The following ANKS1B variants were observed in gnomAD, a reference collection of about 807,000 sequenced individuals.
ANKS1B encodes ankyrin repeat and sterile alpha motif domain-containing protein 1B.
In ANKS1B, 36 loss-of-function variants were observed where a neutral mutation model predicts 148.3. The ratio of observed to expected loss-of-function variants is 0.24; its 90% confidence interval spans 0.19 to 0.32. The LOEUF is 0.32. Ranked by LOEUF, ANKS1B falls within the 10% of genes least tolerant of loss-of-function variation. The pLI is 1.00. For synonymous variants in ANKS1B, 542 were observed against 560.8 expected (o/e 0.97, Z 0.47); for missense variants, 1,157 against 1,542.6 (o/e 0.75, Z 4.19).
chr12:98,908,881 G>C (rs1327292072), intron 17 of ANKS1B, among the ~76,000 whole-genome samples: 2 of 152,088 alleles, frequency 1.3e-5, no homozygotes, highest in Admixed American at 1.3e-4. Context: ...TGTTTGGTTG[G>C]GTTTATGCTA....
Position 99,709,593 on chromosome 12 carries a change from T to C in ANKS1B, c.1129-54383A>G, listed in dbSNP as rs551479661. 2.6e-5 allele frequency among the ~76,000 whole-genome samples: 4 copies of C among 152,268 alleles called. No homozygotes were observed. The South Asian group carries it at 8.3e-4, about 32-fold the overall frequency. Reference sequence around the variant, plus strand: ...CAAGTTTGCCAGCTAGCAAGTGGTATAGCTAGACCCACATTTTTTGAAATC... The same window carrying C: ...CAAGTTTGCCAGCTAGCAAGTGGTACAGCTAGACCCACATTTTTTGAAATC... On this transcript the variant is annotated intron_variant, in intron 8 of 26. Coordinates refer to ENST00000683438, the MANE Select transcript of ANKS1B (RefSeq NM_001352186.2).
chr12:99,220,248 T>G (rs2084882203), intron 14 of ANKS1B, among the ~76,000 whole-genome samples: 3 of 152,098 alleles, frequency 2.0e-5, no homozygotes, highest in Non-Finnish European at 4.4e-5. Flanking sequence ...TCCACCTGCC[T>G]TGGCCTCCCA....
chr12:99,552,202 C>T (rs73141651), intron 9 of ANKS1B, among the ~76,000 whole-genome samples: 8,959 of 152,144 alleles, frequency 0.059, 373 homozygotes, highest in East Asian at 0.23. Context: ...ACACTGATCA[C>T]AATTATAATG....
chr12:99,075,449 C>A (rs2153599769), intron 16 of ANKS1B, among the ~76,000 whole-genome samples: 1 of 152,304 alleles, frequency 6.6e-6, no homozygotes, highest in South Asian at 2.1e-4. Flanking sequence ...TGTTAAACCA[C>A]TGAGAATTTG....
Position 99,355,186 on chromosome 12 carries a change from T to C in ANKS1B, c.1756+44445A>G, listed in dbSNP as rs528722831. 5.3e-5 allele frequency among the ~76,000 whole-genome samples: 8 copies of C among 152,200 alleles called. No individual in the cohort carries two copies. In the South Asian group the frequency reaches 1.0e-3, roughly 20 times the overall value. ...CCCAATTTTAAACCCAGACAGTCTG[T>C]GACCTAAGAGAGCGGAATTGCTAAA... On this transcript the variant is annotated intron_variant, in intron 12 of 26. Transcript: ENST00000683438.
chr12:98,925,984 T>G (rs954299013), intron 17 of ANKS1B, among the ~76,000 whole-genome samples: 26 of 152,118 alleles, frequency 1.7e-4, no homozygotes, highest in African/African-American at 6.3e-4. Flanking sequence ...GACTGGATAA[T>G]GAGATGTGTT....
Position 99,644,943 on chromosome 12 carries a change from C to T in ANKS1B, c.1272+10124G>A, listed in dbSNP as rs564520940. Reference sequence around the variant, plus strand: ...TCATCACATATCTTCTGACTCTGACCCTGCTGCCTTTCTCTTACAAAGACC... The same window carrying T: ...TCATCACATATCTTCTGACTCTGACTCTGCTGCCTTTCTCTTACAAAGACC... On this transcript the variant is annotated intron_variant, in intron 9 of 26. Transcript: ENST00000683438. Among the ~76,000 whole-genome samples, 13 of 152,212 alleles carry T rather than the reference C, an allele frequency of 8.5e-5. No homozygotes were observed. The South Asian group carries it at 2.7e-3, about 32-fold the overall frequency.
chr12:99,758,704 C>T (rs1252975084), intron 8 of ANKS1B, among the ~76,000 whole-genome samples: 1 of 151,868 alleles, frequency 6.6e-6, no homozygotes, highest in Non-Finnish European at 1.5e-5. Flanking sequence ...CTTTTGAACT[C>T]AAATTCCTGT....
chr12:99,310,638 G>A (rs150900785), intron 12 of ANKS1B, among the ~76,000 whole-genome samples: 1 of 152,062 alleles, frequency 6.6e-6, no homozygotes, highest in Admixed American at 6.6e-5. Flanking sequence ...TGGCTCTCAC[G>A]GTTTTCAGGC....
Position 98,744,761 on chromosome 12 carries a change from T to C in ANKS1B, c.*978A>G, listed in dbSNP as rs2097846008. 1.0e-6 allele frequency: 1 copy of C among 984,920 alleles called. No individual in the cohort carries two copies. Among genetic ancestry groups the C allele is most frequent in the Admixed American group, 6.1e-5 (1 of 16,282 alleles). 61.0% of individuals were successfully genotyped at this position (984,920 alleles called of 1,614,324 possible). On this transcript the variant is annotated 3_prime_UTR_variant, in exon 27 of 27. Transcript: ENST00000683438. ...ATTAACACCTTTCTCAAACAAGGTTTCCATGACAGAAATCTTGACAGCAGG... is the reference window on the plus strand; with the variant it reads ...ATTAACACCTTTCTCAAACAAGGTTCCCATGACAGAAATCTTGACAGCAGG...
intron 9 of ANKS1B, among the ~76,000 whole-genome samples, chr12:99,647,103 A>G (rs1481392040): frequency 6.6e-6 from 1 of 152,198 alleles, no homozygotes; most frequent in Non-Finnish European, 1.5e-5. Context: ...AGCACTTTAA[A>G]CATTTCACTG....
intron 15 of ANKS1B, among the ~76,000 whole-genome samples, chr12:99,117,673 C>T (rs148918622): frequency 4.5e-4 from 69 of 152,264 alleles, no homozygotes; most frequent in African/African-American, 1.2e-3. Flanking sequence ...CTTGTTGGGT[C>T]TCTGCCAGAT....
Position 99,154,905 on chromosome 12 carries a change from C to A in ANKS1B, c.2420-510G>T, listed in dbSNP as rs945234938. On this transcript the variant is annotated intron_variant, in intron 14 of 26. Coordinates refer to ENST00000683438, the MANE Select transcript of ANKS1B (RefSeq NM_001352186.2). ...ACCTCGCATTTTCAATAATAGCCAT[C>A]AGATAAGGCAGATTTTTTTTGTCTG... The A allele has an allele frequency of 2.3e-5, 36 of 1,535,186 alleles. No homozygotes were observed. In the African/African-American group the frequency reaches 4.8e-4, roughly 20 times the overall value.
chr12:99,214,007 G>A (rs1307227056), intron 14 of ANKS1B, among the ~76,000 whole-genome samples: 1 of 152,064 alleles, frequency 6.6e-6, no homozygotes, highest in Non-Finnish European at 1.5e-5. Context: ...ATGACCGAGC[G>A]AAAATTGAGT....
Position 98,829,535 on chromosome 12 carries a change from C to G in ANKS1B, c.2887-182G>C, listed in dbSNP as rs939127585. ...ATGATCTAGTCAATACGTTTTTCCC[C>G]TAAGTATTTCAGGTCAAAGGTCTGA... On this transcript the variant is annotated intron_variant, in intron 18 of 26. Transcript: ENST00000683438. This position sits in a 1 kb window ranked among gnomAD's most constrained non-coding sequence, Gnocchi z 5.2. Among the ~76,000 whole-genome samples the G allele has an allele frequency of 6.6e-6, 1 of 152,126 alleles. No individual in the cohort carries two copies. Among genetic ancestry groups the G allele is most frequent in the Non-Finnish European group, 1.5e-5 (1 of 68,030 alleles).
intron 1 of ANKS1B, among the ~76,000 whole-genome samples, chr12:99,907,797 C>A (rs1182242095): frequency 7.1e-6 from 1 of 141,236 alleles, no homozygotes; most frequent in Non-Finnish European, 1.5e-5. Context: ...GTTTTCTCCT[C>A]TCCAGAGAAA....
intron 20 of ANKS1B, among the ~76,000 whole-genome samples, chr12:98,807,341 C>T (rs2099058281): frequency 6.6e-6 from 1 of 152,000 alleles, no homozygotes; most frequent in Non-Finnish European, 1.5e-5. Flanking sequence ...CCCAGCTCAC[C>T]TCCCCCCACA....
intron 15 of ANKS1B, among the ~76,000 whole-genome samples, chr12:99,119,220 A>C (rs1341067254): frequency 2.0e-5 from 3 of 152,126 alleles, no homozygotes; most frequent in Non-Finnish European, 4.4e-5. Context: ...AAAGAGGAGG[A>C]GGCATTGTGA....
intron 17 of ANKS1B, among the ~76,000 whole-genome samples, chr12:98,844,832 T>C (rs913409093): frequency 4.6e-5 from 7 of 152,342 alleles, no homozygotes; most frequent in African/African-American, 1.4e-4. Context: ...AGAATACTTA[T>C]CAGATTTTTC....
Sources: gnomAD v4.1 joint callset for allele counts (sites outside exome capture counted in the v4.1 genomes callset) on GRCh38, gnomAD v4.1.1 for gene constraint, Gnocchi (gnomAD v3.1) non-coding constraint, MANE v1.5 for transcripts, NCBI Gene and HGNC (gene_info 2026-07-23, HGNC 2026-07-21) for gene names.